The following ARHGAP32 variants were observed in gnomAD, a reference collection of about 807,000 sequenced individuals.
ARHGAP32 encodes Rho GTPase activating protein 32, also known as rho GTPase-activating protein 32.
ARHGAP32 carries 51 observed loss-of-function variants against 186.5 expected under a neutral mutation model. The observed-to-expected ratio is 0.27, with a 90% CI of 0.22 to 0.35. ARHGAP32 has a LOEUF of 0.35. Ranked by LOEUF, ARHGAP32 falls within the 10% of genes least tolerant of loss-of-function variation. The pLI is 1.00. For missense variants in ARHGAP32, 2,186 were observed against 2,623.5 expected (o/e 0.83, Z 3.64); for synonymous variants, 950 against 964.3 (o/e 0.99, Z 0.27).
intron 10 of ARHGAP32, among the ~76,000 whole-genome samples, chr11:129,045,813 AG>A (rs1939782839): frequency 6.6e-6 from 1 of 152,194 alleles, no homozygotes; most frequent in African/African-American, 2.4e-5. Context: ...ATTCAACTCC[AG>A]GAAGAGAATG....
chr11:129,016,303 G>A (rs891355407), intron 11 of ARHGAP32, among the ~76,000 whole-genome samples: 1 of 152,076 alleles, frequency 6.6e-6, no homozygotes, highest in African/African-American at 2.4e-5. Flanking sequence ...CTGACTCCAA[G>A]TCTATGGTTT....
At chr11:128,990,547 T>C (rs1946018556) in intron 12 of ARHGAP32, among the ~76,000 whole-genome samples, 1 of 152,166 alleles carries the variant, frequency 6.6e-6, no homozygotes, top group South Asian at 2.1e-4. Flanking sequence ...TCTAAAAATA[T>C]TCAAGACTTT....
chr11:129,120,557 T>C (rs1046293363), intron 5 of ARHGAP32, among the ~76,000 whole-genome samples: 5 of 152,092 alleles, frequency 3.3e-5, no homozygotes, highest in African/African-American at 1.2e-4. Context: ...CTAAATAAAA[T>C]TGATCATTGG....
At chr11:129,121,583 G>C (rs1942530908) in intron 5 of ARHGAP32, among the ~76,000 whole-genome samples, 2 of 151,964 alleles carry the variant, frequency 1.3e-5, no homozygotes, top group South Asian at 4.1e-4. Flanking sequence ...CCATACTCCA[G>C]GCCTCCTGGT....
chr11:129,147,521 C>T (rs1415915254), intron 2 of ARHGAP32, among the ~76,000 whole-genome samples: 2 of 152,266 alleles, frequency 1.3e-5, no homozygotes, highest in East Asian at 1.9e-4. Context: ...ATTCCATAGG[C>T]GTATGGGATT....
intron 1 of ARHGAP32, among the ~76,000 whole-genome samples, chr11:129,191,017 A>C (rs1389474742): frequency 6.6e-6 from 1 of 152,238 alleles, no homozygotes; most frequent in African/African-American, 2.4e-5. Flanking sequence ...AGAGTAAAAA[A>C]TTTAGTGAGG....
At chr11:129,265,456 A>AG (rs1945384987) in intron 1 of ARHGAP32, among the ~76,000 whole-genome samples, 1 of 152,208 alleles carries the variant, frequency 6.6e-6, no homozygotes, top group South Asian at 2.1e-4. Context: ...TCCCCTTCTC[A>AG]ACCCGAGTTA....
intron 2 of ARHGAP32, among the ~76,000 whole-genome samples, chr11:129,150,336 G>A (rs986444816): frequency 5.9e-5 from 9 of 151,986 alleles, no homozygotes; most frequent in South Asian, 2.1e-4. Flanking sequence ...AATATTCACC[G>A]CAAAAAAATC....
At chr11:129,086,806 G>C (rs988416420) in intron 6 of ARHGAP32, among the ~76,000 whole-genome samples, 1 of 137,436 alleles carries the variant, frequency 7.3e-6, no homozygotes, top group African/African-American at 2.7e-5. Context: ...GGGCGACAGA[G>C]TGAGACTCCA....
chr11:129,014,609 C>T (rs967921004), intron 11 of ARHGAP32, among the ~76,000 whole-genome samples: 10 of 152,234 alleles, frequency 6.6e-5, no homozygotes, highest in Admixed American at 1.3e-4. Context: ...AAATTCACAA[C>T]GTCAAGGAGA....
intron 11 of ARHGAP32, among the ~76,000 whole-genome samples, chr11:129,008,964 G>C (rs1195537418): frequency 6.6e-6 from 1 of 152,114 alleles, no homozygotes; most frequent in Non-Finnish European, 1.5e-5. Context: ...TTGTTATAGA[G>C]TGGCCATCAA....
intron 11 of ARHGAP32, among the ~76,000 whole-genome samples, chr11:129,009,376 A>T (rs1007599978): frequency 1.3e-5 from 2 of 152,114 alleles, no homozygotes; most frequent in African/African-American, 4.8e-5. Context: ...TATGTGCAGG[A>T]TGTGCAAGTC....
chr11:129,193,830 A>G (rs1367756890), upstream of ARHGAP32, among the ~76,000 whole-genome samples: 1 of 141,218 alleles, frequency 7.1e-6, no homozygotes, highest in Non-Finnish European at 1.5e-5. Context: ...ATTATAAGCA[A>G]AGTCAAAATG....
intron 1 of ARHGAP32, among the ~76,000 whole-genome samples, chr11:129,202,484 T>C (rs774609086): frequency 1.2e-4 from 19 of 152,090 alleles, no homozygotes; most frequent in African/African-American, 4.3e-4. Context: ...AATATTCTTA[T>C]ACTGACCAAG....
chr11:129,064,233 C>A (rs1210067248), intron 8 of ARHGAP32, among the ~76,000 whole-genome samples: 1 of 150,012 alleles, frequency 6.7e-6, no homozygotes, highest in Non-Finnish European at 1.5e-5. Flanking sequence ...CTCATAACTC[C>A]AAAAAAAAAT....
At chr11:129,216,192 G>A (rs1185391693) in intron 1 of ARHGAP32, among the ~76,000 whole-genome samples, 1 of 152,088 alleles carries the variant, frequency 6.6e-6, no homozygotes, top group African/African-American at 2.4e-5. Context: ...ATTTGTTGCA[G>A]CAGCAACAAA....
intron 5 of ARHGAP32, among the ~76,000 whole-genome samples, chr11:129,096,984 T>C (rs1336572197): frequency 6.6e-6 from 1 of 152,114 alleles, no homozygotes; most frequent in African/African-American, 2.4e-5. Context: ...CTCAGGCTGA[T>C]CTTTGGCACA....
intron 10 of ARHGAP32, among the ~76,000 whole-genome samples, chr11:129,060,411 AG>A (rs1465161170): frequency 2.2e-4 from 26 of 116,962 alleles, no homozygotes; most frequent in Non-Finnish European, 6.1e-5. Flanking sequence ...GACAGACAGA[AG>A]AAAGTTAGTA....
chr11:129,215,931 G>T (rs1944638814), intron 1 of ARHGAP32, among the ~76,000 whole-genome samples: 1 of 152,170 alleles, frequency 6.6e-6, no homozygotes, highest in African/African-American at 2.4e-5. Flanking sequence ...TATGCAGGCA[G>T]TCTCTAAATG....
Sources: gnomAD v4.1 joint callset for allele counts (sites outside exome capture counted in the v4.1 genomes callset) on GRCh38, gnomAD v4.1.1 for gene constraint, MANE v1.5 for transcripts, NCBI Gene and HGNC (gene_info 2026-07-23, HGNC 2026-07-21) for gene names.